The following NCS1 variants were observed in gnomAD, a reference collection of about 807,000 sequenced individuals.
NCS1 encodes the protein neuronal calcium sensor 1, also known as frequenin homolog.
NCS1 carries 6 observed loss-of-function variants against 28.4 expected under a neutral mutation model. That is an observed-to-expected ratio of 0.21 (90% CI 0.12 to 0.42). NCS1 has a LOEUF of 0.42. NCS1 is among the 10% of genes least tolerant of loss of function. The pLI is 1.00. For missense variants in NCS1, 131 were observed against 241.4 expected (o/e 0.54, Z 3.03); for synonymous variants, 86 against 99.3 (o/e 0.87, Z 0.79).
chr9:130,174,141 T>A (rs1832530071), intron 1 of NCS1, among the ~76,000 whole-genome samples: 2 of 152,166 alleles, frequency 1.3e-5, no homozygotes, highest in African/African-American at 4.8e-5. Flanking sequence ...TGGGGACTCC[T>A]TCAAGCTAAG....
At chr9:130,173,208 G>GC (rs1163378784) in intron 1 of NCS1, among the ~76,000 whole-genome samples, 1 of 151,854 alleles carries the variant, frequency 6.6e-6, no homozygotes, top group Non-Finnish European at 1.5e-5. Flanking sequence ...GTGGGGGGGG[G>GC]GGTGGCGAGA....
chr9:130,173,872 G>A (rs1198577281), intron 1 of NCS1, among the ~76,000 whole-genome samples: 11 of 152,208 alleles, frequency 7.2e-5, no homozygotes, highest in African/African-American at 2.7e-4. Context: ...CACGTCTGCA[G>A]GTCTGTCCAA....
chr9:130,188,423 C>CTT (rs34686734), intron 1 of NCS1, among the ~76,000 whole-genome samples: 4 of 138,218 alleles, frequency 2.9e-5, no homozygotes, highest in Non-Finnish European at 3.1e-5. Flanking sequence ...CTGAACTTTC[C>CTT]TTTTTTTTTT....
chr9:130,200,554 T>C (rs1473565366), intron 1 of NCS1: 2 of 1,551,318 alleles, frequency 1.3e-6, no homozygotes, highest in Non-Finnish European at 1.7e-6. Context: ...GCCGAGTGCC[T>C]GGGGAAGCCA....
intron 1 of NCS1, among the ~76,000 whole-genome samples, chr9:130,176,138 TTTTC>T (rs71387327): frequency 0.092 from 9,364 of 101,926 alleles, 646 homozygotes; most frequent in Non-Finnish European, 0.12. Context: ...TATTTGTTCA[TTTTC>T]TTTCTTTCTT....
At chr9:130,203,142 T>A (rs868919323) in intron 2 of NCS1, among the ~76,000 whole-genome samples, 1,744 of 145,928 alleles carry the variant, frequency 0.012, 44 homozygotes, top group African/African-American at 0.039. Flanking sequence ...ATATATTTTT[T>A]TTTTTTTTTC....
chr9:130,227,261 C>G (rs1833428589), intron 7 of NCS1, among the ~76,000 whole-genome samples: 1 of 152,072 alleles, frequency 6.6e-6, no homozygotes, highest in Non-Finnish European at 1.5e-5. Flanking sequence ...CTTCTCCTCT[C>G]CTCCCTTCTC....
chr9:130,185,823 A>G (rs1224761309), intron 1 of NCS1, among the ~76,000 whole-genome samples: 2 of 152,264 alleles, frequency 1.3e-5, no homozygotes, highest in Non-Finnish European at 2.9e-5. Context: ...CGCGCCCAGC[A>G]GCCCACACAG....
At chr9:130,172,860 A>G (rs1588104372) in intron 1 of NCS1, 133 bp downstream of exon 1, 1 of 364,686 alleles carries the variant, frequency 2.7e-6, no homozygotes, top group Middle Eastern at 9.2e-4. Flanking sequence ...CCCGGCCTCC[A>G]ATGTGGACCC....
At chr9:130,230,392 T>C (rs1554911927) in intron 7 of NCS1, among the ~76,000 whole-genome samples, 1 of 152,020 alleles carries the variant, frequency 6.6e-6, no homozygotes, top group African/African-American at 2.4e-5. Context: ...GAAACATTCA[T>C]ACACAGTGGC....
At chr9:130,200,174 C>G (rs1832922727) in intron 1 of NCS1, among the ~76,000 whole-genome samples, 1 of 152,136 alleles carries the variant, frequency 6.6e-6, no homozygotes, top group Admixed American at 6.6e-5. Context: ...AGGAGCCGTC[C>G]CGCGCTCACA....
chr9:130,217,206 C>T (rs902606417), intron 2 of NCS1, among the ~76,000 whole-genome samples: 8 of 152,194 alleles, frequency 5.3e-5, no homozygotes, highest in South Asian at 2.1e-4. Flanking sequence ...GCCATTCCGG[C>T]GTCAGCCACG....
chr9:130,180,631 G>T lies in NCS1; in HGVS notation c.64+7904G>T, dbSNP rs1373756594. Reference sequence around the variant, plus strand: ...GTCAGTTCTGCTGTTTCCTGGCTGGGCAATCCTGGCCAGCTCCTTACGTCT... The same window carrying T: ...GTCAGTTCTGCTGTTTCCTGGCTGGTCAATCCTGGCCAGCTCCTTACGTCT... On this transcript the variant is annotated intron_variant, in intron 1 of 7. Transcript: ENST00000372398. The surrounding 1 kb of genome is among the most constrained non-coding windows in gnomAD (Gnocchi z 4.5). 1.3e-5 allele frequency among the ~76,000 whole-genome samples: 2 copies of T among 152,166 alleles called. No individual in the cohort carries two copies. Among genetic ancestry groups the T allele is most frequent in the Non-Finnish European group, 2.9e-5 (2 of 68,030 alleles).
chr9:130,225,665 G>A (rs749493156), intron 6 of NCS1, among the ~76,000 whole-genome samples: 1 of 152,254 alleles, frequency 6.6e-6, no homozygotes, highest in African/African-American at 2.4e-5. Context: ...TGGCTTGGCC[G>A]TGAGGGTTCC....
chr9:130,226,978 G>A lies in NCS1; in HGVS notation c.*17+474G>A, dbSNP rs1399352869. Among the ~76,000 whole-genome samples, 18 of 146,922 alleles carry A rather than the reference G, an allele frequency of 1.2e-4. No homozygotes were observed. Among genetic ancestry groups the A allele is most frequent in the African/African-American group, 3.0e-4 (12 of 39,422 alleles). On this transcript the variant is annotated intron_variant, in intron 7 of 7. Coordinates refer to ENST00000372398, the MANE Select transcript of NCS1 (RefSeq NM_014286.4). The surrounding 1 kb of genome is among the most constrained non-coding windows in gnomAD (Gnocchi z 4.8). ...GTGGAGATTGCAGTGAGCCGAGATC[G>A]TGCCACTGCACTCCAGCCTGGGTAA...
chr9:130,235,069 C>G lies in NCS1; in HGVS notation c.*2097C>G, dbSNP rs782470172. On this transcript the variant is annotated 3_prime_UTR_variant, in exon 8 of 8. Coordinates refer to ENST00000372398, the MANE Select transcript of NCS1 (RefSeq NM_014286.4). Reference sequence around the variant, plus strand: ...GCATTCAGCCAACCCCAGCGTCCCCCCTGAGGCGTTCATTGGCAGCCCCCT... The same window carrying G: ...GCATTCAGCCAACCCCAGCGTCCCCGCTGAGGCGTTCATTGGCAGCCCCCT... The G allele has an allele frequency of 6.6e-6, 1 of 152,354 alleles. No individual in the cohort carries two copies. The highest frequency in any genetic ancestry group is 1.5e-5 in the Non-Finnish European group (1 of 68,194). 9.4% of individuals were successfully genotyped at this position (152,354 alleles called of 1,614,324 possible).
chr9:130,218,339 T>C (rs1833219721), intron 3 of NCS1, among the ~76,000 whole-genome samples: 1 of 152,200 alleles, frequency 6.6e-6, no homozygotes, highest in African/African-American at 2.4e-5. Flanking sequence ...CATACATGTA[T>C]ATTCATACAG....
chr9:130,203,237 A>G (rs1211796062), intron 2 of NCS1, among the ~76,000 whole-genome samples: 3 of 151,058 alleles, frequency 2.0e-5, no homozygotes, highest in Non-Finnish European at 4.4e-5. Context: ...CCCCTGCCTC[A>G]GCCTCTCAAG....
rs782089152 is a variant in NCS1 at position 130,220,546 on chromosome 9, T to C, written c.307+743T>C. On this transcript the variant is annotated intron_variant, in intron 4 of 7. Transcript: ENST00000372398. ...AAGGGCTCCAGCCAGGGGGCCCGCG[T>C]GTGCGAGGCCCAGTGGAGGGAGGCT... is the stretch of plus-strand genomic sequence containing the variant. Among the ~76,000 whole-genome samples, 69 of 151,416 alleles carry C rather than the reference T, an allele frequency of 4.6e-4. 1 individual carries two copies. Among genetic ancestry groups the C allele is most frequent in the Admixed American group, 3.4e-3 (52 of 15,238 alleles).
Sources: gnomAD v4.1 joint callset for allele counts (sites outside exome capture counted in the v4.1 genomes callset) on GRCh38, gnomAD v4.1.1 for gene constraint, Gnocchi (gnomAD v3.1) non-coding constraint, MANE v1.5 for transcripts, NCBI Gene and HGNC (gene_info 2026-07-23, HGNC 2026-07-21) for gene names.